ATXN1: variants seen among roughly 807,000 people sequenced by gnomAD.
The protein encoded by ATXN1 is ataxin 1.
ATXN1 carries 8 observed loss-of-function variants against 56.4 expected under a neutral mutation model. The ratio of observed to expected loss-of-function variants is 0.14; its 90% CI spans 0.08 to 0.26. The LOEUF (loss-of-function observed/expected upper bound fraction) is 0.26. Among genes scored for constraint, ATXN1 ranks in the 10% least tolerant of loss-of-function variants. ATXN1 has a pLI of 1.00. For synonymous variants in ATXN1, 514 were observed against 494.6 expected (o/e 1.04, Z -0.52); for missense variants, 987 against 1,106.5 (o/e 0.89, Z 1.53).
chr6:16,446,104 C>A (rs1368232524), intron 6 of ATXN1, among the ~76,000 whole-genome samples: 7 of 151,584 alleles, frequency 4.6e-5, no homozygotes, highest in Admixed American at 2.0e-4. Flanking sequence ...GCCACACTGA[C>A]TTCCACAATG....
In ATXN1 at chr6:16,306,156, G is replaced by A; in HGVS notation, c.*173C>T. 1 of 802,114 alleles carries A rather than the reference G, an allele frequency of 1.2e-6. No individual in the cohort carries two copies. Among genetic ancestry groups the A allele is most frequent in the African/African-American group, 1.7e-5 (1 of 57,738 alleles). The allele number at this position is 802,114 out of a possible 1,614,324, so 49.7% of individuals were successfully genotyped here. On this transcript the variant is annotated 3_prime_UTR_variant, in exon 8 of 8. Transcript: ENST00000436367. This position sits in a 1 kb window ranked among gnomAD's most constrained non-coding sequence, Gnocchi z 5.2. The stretch of plus-strand genomic sequence containing the variant: ...TCACTGACAGACACTCGTGGAAAAA[G>A]CATATGCACCAGTCTCCTGCGACAC...
At chr6:16,456,273 T>C (rs1043424577) in intron 6 of ATXN1, among the ~76,000 whole-genome samples, 3 of 152,204 alleles carry the variant, frequency 2.0e-5, no homozygotes, top group Admixed American at 1.3e-4. Flanking sequence ...CTCCCAGATA[T>C]TGCAACGTGG....
chr6:16,592,613 G>A (rs918775461), intron 3 of ATXN1, among the ~76,000 whole-genome samples: 8 of 151,974 alleles, frequency 5.3e-5, no homozygotes, highest in African/African-American at 1.9e-4. Context: ...CTAGGCTTTT[G>A]GTAGGAAGCA....
intron 6 of ATXN1, among the ~76,000 whole-genome samples, chr6:16,344,184 T>TG: frequency 6.6e-6 from 1 of 152,290 alleles, no homozygotes; most frequent in South Asian, 2.1e-4. Context: ...CTTAGCACCC[T>TG]GCTCCAACAT....
In ATXN1 at chr6:16,629,170, A is replaced by G. The variant is rs112372488; in HGVS notation, c.-489+28606T>C. On this transcript the variant is annotated intron_variant, in intron 3 of 7. Coordinates refer to ENST00000436367, the MANE Select transcript of ATXN1 (RefSeq NM_001128164.2). ...TGACTTTTTAACAACAGCCATTCTG[A>G]CTGGTATGAGATAGTATCTCATTGT... is the stretch of plus-strand genomic sequence containing the variant. Among the ~76,000 whole-genome samples, 741 of 152,226 alleles carry G rather than the reference A, an allele frequency of 4.9e-3. 8 individuals are homozygous for G. Among genetic ancestry groups the G allele is most frequent in the African/African-American group, 0.017 (709 of 41,526 alleles).
At chr6:16,699,737 T>C (rs1326664655) in intron 2 of ATXN1, among the ~76,000 whole-genome samples, 1 of 152,174 alleles carries the variant, frequency 6.6e-6, no homozygotes, top group East Asian at 1.9e-4. Context: ...TTCCTCAGAC[T>C]TCCCCAAATG....
chr6:16,507,255 T>C (rs997343732), intron 5 of ATXN1, among the ~76,000 whole-genome samples: 1 of 152,210 alleles, frequency 6.6e-6, no homozygotes, highest in Non-Finnish European at 1.5e-5. Context: ...TTTTCTAATA[T>C]ATGGTATTTA....
intron 7 of ATXN1, among the ~76,000 whole-genome samples, chr6:16,324,867 C>A (rs1256328538): frequency 1.3e-5 from 2 of 152,216 alleles, no homozygotes; most frequent in Admixed American, 6.5e-5. Context: ...TGGGACAGCC[C>A]TGACTTCTCA....
chr6:16,518,918 C>A (rs1761236271), intron 5 of ATXN1, among the ~76,000 whole-genome samples: 1 of 151,952 alleles, frequency 6.6e-6, no homozygotes, highest in African/African-American at 2.4e-5. Context: ...AAATATGAAG[C>A]CTTTAGATAT....
At chr6:16,452,471 A>T (rs1581772662) in intron 6 of ATXN1, among the ~76,000 whole-genome samples, 2 of 152,360 alleles carry the variant, frequency 1.3e-5, no homozygotes, top group Admixed American at 1.3e-4. Context: ...GTCAGTCTTC[A>T]GAGGAAAAAC....
At position 16,622,864 on chromosome 6, in the gene ATXN1, C is replaced by CT. The variant is rs777759134; in HGVS notation, c.-489+34911dup. Among the ~76,000 whole-genome samples, 267 of 147,864 alleles carry CT rather than the reference C, an allele frequency of 1.8e-3. 2 individuals carry two copies. Among genetic ancestry groups the CT allele is most frequent in the East Asian group, 5.7e-3 (29 of 5,066 alleles). On this transcript the variant is annotated intron_variant, in intron 3 of 7. Coordinates refer to ENST00000436367, the MANE Select transcript of ATXN1 (RefSeq NM_001128164.2). ...ATCCATGTCTTTCTAAGCTTCTAGC[C>CT]TTTTTTTTTTAACTGTCTCAGGGTG... is the stretch of plus-strand genomic sequence containing the variant.
Position 16,702,547 on chromosome 6 carries a change from C to A in ATXN1, c.-614-44646G>T, listed in dbSNP as rs149389827. Reference sequence around the variant, plus strand: ...AGAAACTACCATCGGAGTGAACAGGCAACCTACAGAATGGGAGAAAATTTT... The same window carrying A: ...AGAAACTACCATCGGAGTGAACAGGAAACCTACAGAATGGGAGAAAATTTT... On this transcript the variant is annotated intron_variant, in intron 2 of 7. Coordinates refer to ENST00000436367, the MANE Select transcript of ATXN1 (RefSeq NM_001128164.2). Among the ~76,000 whole-genome samples, 911 of 152,260 alleles carry A rather than the reference C, an allele frequency of 6.0e-3. 26 individuals are homozygous for A. The highest frequency in any genetic ancestry group is 0.04 in the Admixed American group (619 of 15,292).
At chr6:16,310,142 T>A (rs188199224) in intron 7 of ATXN1, among the ~76,000 whole-genome samples, 138 of 150,776 alleles carry the variant, frequency 9.2e-4, no homozygotes, top group African/African-American at 3.3e-3. Flanking sequence ...ACAGTTTACA[T>A]CTCAACAAAA....
intron 5 of ATXN1, among the ~76,000 whole-genome samples, chr6:16,514,700 CATGGG>C (rs1761145946): frequency 6.6e-6 from 1 of 152,136 alleles, no homozygotes; most frequent in Non-Finnish European, 1.5e-5. Context: ...CTCTCTATCT[CATGGG>C]ATGACACTGT....
intron 3 of ATXN1, among the ~76,000 whole-genome samples, chr6:16,632,393 C>T (rs975879159): frequency 6.6e-6 from 1 of 152,210 alleles, no homozygotes; most frequent in African/African-American, 2.4e-5. Context: ...GAGCTAAATG[C>T]TAGGTACCAC....
intron 3 of ATXN1, among the ~76,000 whole-genome samples, chr6:16,656,831 T>C (rs1231571557): frequency 6.6e-6 from 1 of 152,150 alleles, no homozygotes; most frequent in African/African-American, 2.4e-5. Context: ...GCCTGCGCTA[T>C]ACGGTATAGC....
In ATXN1 at chr6:16,601,715, T is replaced by C. The variant is rs536362957; in HGVS notation, c.-488-15808A>G. ...AAATACAAAAAATATTAGTTGGGTG[T>C]GGTGGCGGGCACCTGTAGTCCCAGC... On this transcript the variant is annotated intron_variant, in intron 3 of 7. Coordinates refer to ENST00000436367, the MANE Select transcript of ATXN1 (RefSeq NM_001128164.2). Among the ~76,000 whole-genome samples the C allele has an allele frequency of 3.3e-5, 5 of 152,146 alleles. No individual in the cohort carries two copies. In the South Asian group the frequency reaches 1.0e-3, roughly 32 times the overall value.
chr6:16,504,557 G>GT (rs1466685749), intron 5 of ATXN1, among the ~76,000 whole-genome samples: 3 of 152,038 alleles, frequency 2.0e-5, no homozygotes, highest in African/African-American at 7.2e-5. Context: ...GCACAGAATC[G>GT]TTTTTAATTT....
intron 2 of ATXN1, among the ~76,000 whole-genome samples, chr6:16,711,607 T>G (rs186543191): frequency 6.7e-6 from 1 of 149,976 alleles, no homozygotes; most frequent in Admixed American, 6.6e-5. Context: ...AAACCATCTA[T>G]ATCTATATAG....
Sources: allele counts gnomAD v4.1 joint callset (sites outside exome capture counted in the v4.1 genomes callset), GRCh38; gene constraint gnomAD v4.1.1; non-coding constraint Gnocchi (gnomAD v3.1); transcripts MANE v1.5; gene names NCBI Gene and HGNC (gene_info 2026-07-23, HGNC 2026-07-21).